LINGO2: variants seen among roughly 807,000 people sequenced by gnomAD.
LINGO2 encodes leucine rich repeat and Ig domain containing 2.
In LINGO2, 14 loss-of-function variants were observed where a neutral mutation model predicts 30.6. The observed-to-expected ratio is 0.46, with a 90% CI of 0.30 to 0.72. The LOEUF is 0.72. Among genes scored for constraint, LINGO2 ranks in the 30% least tolerant of loss-of-function variants. The pLI is 0.07. For synonymous variants in LINGO2, 317 were observed against 288.5 expected (o/e 1.10, Z -1.00); for missense variants, 729 against 751.7 (o/e 0.97, Z 0.35).
chr9:28,038,692 C>CA (rs35216202), intron 4 of LINGO2, among the ~76,000 whole-genome samples: 9,473 of 118,670 alleles, frequency 0.08, 383 homozygotes, highest in Middle Eastern at 0.13. Context: ...GACTCCGTCT[C>CA]AAAAAAAAAA....
intron 4 of LINGO2, among the ~76,000 whole-genome samples, chr9:28,274,332 G>A (rs1163468182): frequency 1.3e-5 from 2 of 152,018 alleles, no homozygotes; most frequent in East Asian, 1.9e-4. Context: ...GTCCACTTAT[G>A]AGCACATATT....
chr9:28,335,999 A>C (rs187646870), intron 3 of LINGO2, among the ~76,000 whole-genome samples: 56 of 152,192 alleles, frequency 3.7e-4, no homozygotes, highest in Non-Finnish European at 6.0e-4. Flanking sequence ...TTCTTTTTTA[A>C]AAAAACAACC....
the LINGO2 span, among the ~76,000 whole-genome samples, chr9:29,189,318 G>A: frequency 4.6e-5 from 7 of 150,840 alleles, no homozygotes; most frequent in African/African-American, 1.5e-4. Context: ...GGGCGGAGAC[G>A]CTCCTCACTT....
chr9:28,023,808 TA>T (rs1269447049), intron 4 of LINGO2, among the ~76,000 whole-genome samples: 4 of 152,136 alleles, frequency 2.6e-5, no homozygotes, highest in African/African-American at 9.7e-5. Flanking sequence ...TTCCTAGAGA[TA>T]AAACTTACCA....
intron 4 of LINGO2, among the ~76,000 whole-genome samples, chr9:28,047,008 A>C (rs1824452001): frequency 6.6e-6 from 1 of 152,126 alleles, no homozygotes; most frequent in African/African-American, 2.4e-5. Context: ...TGCTGCTGGG[A>C]ATAGGCCTCC....
the LINGO2 span, among the ~76,000 whole-genome samples, chr9:28,686,673 C>T: frequency 1.3e-5 from 2 of 151,956 alleles, no homozygotes; most frequent in South Asian, 2.1e-4. Context: ...ACACCTAGTC[C>T]TATATTTTAC....
At chr9:28,257,108 A>G (rs1822407790) in intron 4 of LINGO2, among the ~76,000 whole-genome samples, 1 of 151,312 alleles carries the variant, frequency 6.6e-6, no homozygotes, top group African/African-American at 2.4e-5. Context: ...TTTTTTTCTG[A>G]CATAAATGCT....
chr9:29,175,271 T>C, the LINGO2 span, among the ~76,000 whole-genome samples: 1 of 152,002 alleles, frequency 6.6e-6, no homozygotes, highest in Non-Finnish European at 1.5e-5. Context: ...AATAAATAAA[T>C]AAAGGCAAAA....
rs893084982 is a variant in LINGO2, at chr9:28,663,936, G to T, written c.-365+6264C>A. 2.6e-5 allele frequency among the ~76,000 whole-genome samples: 4 copies of T among 152,058 alleles called. No homozygotes were observed. The East Asian group carries it at 7.7e-4, about 29-fold the overall frequency. On this transcript the variant is annotated intron_variant, in intron 1 of 5. Coordinates refer to ENST00000379992, the Ensembl canonical transcript of LINGO2. ...TATATGAATTATTATACCTAAAAAG[G>T]CTTGAGTTATTTAAGTCCCTTATTA...
the LINGO2 span, among the ~76,000 whole-genome samples, chr9:28,807,454 C>G: frequency 6.6e-6 from 1 of 152,132 alleles, no homozygotes; most frequent in Non-Finnish European, 1.5e-5. Context: ...TTTCAAATTT[C>G]TAAAACTAAG....
chr9:28,357,414 T>C (rs1448073417), intron 3 of LINGO2, among the ~76,000 whole-genome samples: 3 of 150,514 alleles, frequency 2.0e-5, no homozygotes, highest in African/African-American at 7.3e-5. Context: ...GGAGCAAATA[T>C]TTAGTGTAGA....
intron 1 of LINGO2, among the ~76,000 whole-genome samples, chr9:28,487,631 T>C (rs889926355): frequency 1.3e-5 from 2 of 152,144 alleles, no homozygotes; most frequent in African/African-American, 4.8e-5. Flanking sequence ...TGTATACAAA[T>C]ATCCATAATA....
the LINGO2 span, among the ~76,000 whole-genome samples, chr9:28,701,889 GT>G: frequency 2.2e-4 from 33 of 151,754 alleles, no homozygotes; most frequent in African/African-American, 7.5e-4. Context: ...CATTTTTGGG[GT>G]GCTAGTGTAA....
At chr9:28,987,119 G>T in the LINGO2 span, among the ~76,000 whole-genome samples, 3 of 113,246 alleles carry the variant, frequency 2.6e-5, no homozygotes, top group East Asian at 2.7e-4. Context: ...TTCTATATAT[G>T]ATTTCTATAC....
At chr9:28,409,302 A>C (rs7858089) in intron 2 of LINGO2, among the ~76,000 whole-genome samples, 83,174 of 151,950 alleles carry the variant, frequency 0.55, 25,075 homozygotes, top group Non-Finnish European at 0.68. Flanking sequence ...TTCAGAAACA[A>C]AAGCCAACAT....
At chr9:28,388,708 G>A (rs1390941107) in intron 2 of LINGO2, among the ~76,000 whole-genome samples, 1 of 152,070 alleles carries the variant, frequency 6.6e-6, no homozygotes, top group Non-Finnish European at 1.5e-5. Context: ...ATTTCCTTGT[G>A]TATTTTGTGG....
chr9:28,291,377 C>T (rs1191452103), intron 4 of LINGO2, among the ~76,000 whole-genome samples: 1 of 152,152 alleles, frequency 6.6e-6, no homozygotes, highest in African/African-American at 2.4e-5. Context: ...GTTCCTTAGC[C>T]CATCACTCAC....
chr9:28,036,252 A>G (rs1180626701), intron 4 of LINGO2, among the ~76,000 whole-genome samples: 1 of 152,232 alleles, frequency 6.6e-6, no homozygotes, highest in East Asian at 1.9e-4. Context: ...AGAAATGTAG[A>G]AACATTGTGC....
chr9:27,996,116 T>C (rs1195838794), intron 5 of LINGO2, among the ~76,000 whole-genome samples: 1 of 152,124 alleles, frequency 6.6e-6, no homozygotes, highest in South Asian at 2.1e-4. Flanking sequence ...AAAATGGCTA[T>C]TATCAAAAAG....
Sources: gnomAD v4.1 joint callset for allele counts (sites outside exome capture counted in the v4.1 genomes callset) on GRCh38, gnomAD v4.1.1 for gene constraint, MANE v1.5 for transcripts, NCBI Gene and HGNC (gene_info 2026-07-23, HGNC 2026-07-21) for gene names.